NRXN1: variants seen among roughly 807,000 people sequenced by gnomAD.
The protein encoded by NRXN1 is neurexin 1.
NRXN1 carries 39 observed loss-of-function variants against 150.9 expected under a neutral mutation model. The ratio of observed to expected loss-of-function variants is 0.26; its 90% CI spans 0.20 to 0.34. The LOEUF is 0.34. NRXN1 is among the 10% of genes least tolerant of loss of function. NRXN1 has a pLI of 1.00. For missense variants in NRXN1, 1,815 were observed against 1,949.9 expected, an observed-to-expected ratio of 0.93 and a Z score of 1.30; for synonymous variants, 924 against 757.0, an observed-to-expected ratio of 1.22 and a Z score of -3.62.
At chr2:50,442,036 T>C (rs1054629470) in intron 17 of NRXN1, among the ~76,000 whole-genome samples, 3 of 152,296 alleles carry the variant, frequency 2.0e-5, no homozygotes, top group Admixed American at 6.5e-5. Context: ...CAGTACACTG[T>C]CTTAACATAT....
At chr2:50,193,382 T>C (rs1315601990) in intron 18 of NRXN1, among the ~76,000 whole-genome samples, 1 of 152,218 alleles carries the variant, frequency 6.6e-6, no homozygotes, top group African/African-American at 2.4e-5. Context: ...TGATTTCTTT[T>C]TCCTTTACTT....
At chr2:49,974,497 T>G (rs2152499728) in intron 21 of NRXN1, among the ~76,000 whole-genome samples, 1 of 152,310 alleles carries the variant, frequency 6.6e-6, no homozygotes, top group South Asian at 2.1e-4. Context: ...GGAAACTTTT[T>G]TTTCCCCAGC....
chr2:50,443,136 G>A (rs138763270), intron 17 of NRXN1, among the ~76,000 whole-genome samples: 2 of 152,056 alleles, frequency 1.3e-5, no homozygotes, highest in African/African-American at 2.4e-5. Flanking sequence ...AGATGTTTAA[G>A]GTTAGGTCAA....
intron 21 of NRXN1, chr2:49,974,090 C>T: frequency 1.4e-6 from 1 of 716,984 alleles, no homozygotes; most frequent in Non-Finnish European, 2.6e-6. Context: ...GAAATCAATA[C>T]TGGTGACAGG....
chr2:50,213,093 G>T (rs1428073799), intron 18 of NRXN1, among the ~76,000 whole-genome samples: 2 of 151,874 alleles, frequency 1.3e-5, no homozygotes, highest in African/African-American at 2.4e-5. Flanking sequence ...GCTGGTTGTT[G>T]TCTTTGACAT....
chr2:50,222,543 T>C (rs2063977585), intron 18 of NRXN1, among the ~76,000 whole-genome samples: 1 of 151,964 alleles, frequency 6.6e-6, no homozygotes, highest in Non-Finnish European at 1.5e-5. Flanking sequence ...CATAAAAATA[T>C]GCTTTTACAC....
chr2:50,638,202 A>G (rs563162235), intron 5 of NRXN1, among the ~76,000 whole-genome samples: 10 of 152,280 alleles, frequency 6.6e-5, no homozygotes, highest in African/African-American at 2.4e-4. Context: ...CTACAAGAGT[A>G]TATTTCCAGG....
chr2:50,495,385 GTGTGT>G (rs1558829224), intron 15 of NRXN1, among the ~76,000 whole-genome samples: 30 of 131,550 alleles, frequency 2.3e-4, no homozygotes, highest in African/African-American at 8.8e-4. Flanking sequence ...TGTGTGGTGT[GTGTGT>G]GTGTGTGTGT....
At chr2:50,134,429 C>G (rs1290667432) in intron 18 of NRXN1, among the ~76,000 whole-genome samples, 1 of 152,098 alleles carries the variant, frequency 6.6e-6, no homozygotes, top group African/African-American at 2.4e-5. Context: ...CTTGTACAGT[C>G]AATGTCTTGG....
chr2:50,593,925 TA>T (rs1306489036), intron 8 of NRXN1, among the ~76,000 whole-genome samples: 1 of 152,154 alleles, frequency 6.6e-6, no homozygotes, highest in African/African-American at 2.4e-5. Context: ...TAAAAAAAGG[TA>T]AAAATTGTAA....
At chr2:50,583,235 TCTCA>T (rs1158965071) in intron 8 of NRXN1, among the ~76,000 whole-genome samples, 1 of 152,064 alleles carries the variant, frequency 6.6e-6, no homozygotes, top group African/African-American at 2.4e-5. Flanking sequence ...AGAGACAAGT[TCTCA>T]CTATGTTGCC....
chr2:50,411,894 G>T (rs2083211777), intron 17 of NRXN1, among the ~76,000 whole-genome samples: 1 of 152,250 alleles, frequency 6.6e-6, no homozygotes, highest in South Asian at 2.1e-4. Flanking sequence ...GTGGGGAAAA[G>T]AAAGAGAGAT....
chr2:50,311,152 C>T (rs1389688790), intron 17 of NRXN1, among the ~76,000 whole-genome samples: 1 of 151,976 alleles, frequency 6.6e-6, no homozygotes, highest in African/African-American at 2.4e-5. Context: ...TTATATAATA[C>T]ATGCTTACAA....
chr2:50,644,307 T>C (rs1417248379), intron 5 of NRXN1, among the ~76,000 whole-genome samples: 1 of 151,860 alleles, frequency 6.6e-6, no homozygotes, highest in Non-Finnish European at 1.5e-5. Context: ...ATATTTATTC[T>C]TTATATTATT....
At chr2:50,313,279 C>A (rs1176268294) in intron 17 of NRXN1, among the ~76,000 whole-genome samples, 1 of 152,074 alleles carries the variant, frequency 6.6e-6, no homozygotes, top group African/African-American at 2.4e-5. Context: ...CTAGTTCCCA[C>A]CCTAAGCTCT....
In NRXN1 at chr2:50,606,250, G is replaced by GAAAA. The variant is rs1203771076; in HGVS notation, c.1320+13768_1320+13771dup. On this transcript the variant is annotated intron_variant, in intron 8 of 22. Coordinates refer to ENST00000401669, the MANE Select transcript of NRXN1 (RefSeq NM_001330078.2). ...GCCAACAGAGTGAGACTCTGTTTCA[G>GAAAA]AAAAAAAAAAAAAAAAAAAAAGAAG... 2.4e-3 allele frequency among the ~76,000 whole-genome samples: 172 copies of GAAAA among 73,100 alleles called. 3 individuals carry two copies. The highest frequency in any genetic ancestry group is 3.9e-3 in the East Asian group (9 of 2,322). 48.0% of individuals were successfully genotyped at this position (73,100 alleles called of 152,430 possible). A position where few individuals can be genotyped will look rare whatever the true frequency, so the allele number is the denominator to read the frequency against.
chr2:50,418,753 T>C (rs192868670), intron 17 of NRXN1, among the ~76,000 whole-genome samples: 126 of 152,090 alleles, frequency 8.3e-4, no homozygotes, highest in African/African-American at 2.9e-3. Flanking sequence ...GAGGAATCAG[T>C]CTCAAACACA....
chr2:50,656,419 G>A (rs1352377194), intron 5 of NRXN1: 1 of 774,472 alleles, frequency 1.3e-6, no homozygotes, highest in Admixed American at 1.7e-5. Flanking sequence ...ACAAATAGGA[G>A]TTTATAAAGT....
At chr2:49,974,326 A>G (rs1033272289) in intron 21 of NRXN1, 10 of 461,740 alleles carry the variant, frequency 2.2e-5, no homozygotes, top group African/African-American at 2.0e-5. Flanking sequence ...GCACCACTCA[A>G]AAAGTCTCAG....
Sources: allele counts gnomAD v4.1 joint callset (sites outside exome capture counted in the v4.1 genomes callset), GRCh38; gene constraint gnomAD v4.1.1; transcripts MANE v1.5; gene names NCBI Gene and HGNC (gene_info 2026-07-23, HGNC 2026-07-21).